Variants in DPF2 observed in about 807,000 individuals in gnomAD.
DPF2 encodes double PHD fingers 2.
Under a neutral mutation model 59.6 loss-of-function variants are expected in DPF2, and 10 were observed. The observed-to-expected ratio is 0.17, with a 90% CI of 0.10 to 0.28. DPF2 has a LOEUF of 0.28. DPF2 is among the 10% of genes least tolerant of loss of function. The pLI is 1.00. For missense variants in DPF2, 315 were observed against 509.4 expected (o/e 0.62, Z 3.67); for synonymous variants, 189 against 190.6 (o/e 0.99, Z 0.07).
chr11:65,346,090 C>A, intron 8 of DPF2, 32 bp downstream of exon 8: 1 of 1,613,288 alleles, frequency 6.2e-7, no homozygotes, highest in Non-Finnish European at 8.5e-7. Flanking sequence ...GCTGCTTTGC[C>A]CAGTCCCCAA....
Position 65,345,810 on chromosome 11 carries a change from T to C in DPF2, c.775+7T>C. ...AGGTCTGAGGAGCAGAAATGTAAGC[T>C]GAGGTGTCAGAAGTGGTGGGCAAGC... On this transcript the variant is annotated splice_region_variant and intron_variant, in intron 7 of 10. Coordinates refer to ENST00000528416, the MANE Select transcript of DPF2 (RefSeq NM_006268.5). 1.2e-6 allele frequency: 2 copies of C among 1,613,944 alleles called. No individual in the cohort carries two copies. Among genetic ancestry groups the C allele is most frequent in the Non-Finnish European group, 8.5e-7 (1 of 1,179,978 alleles).
At chr11:65,338,052 C>T (rs1252390068) in intron 1 of DPF2, among the ~76,000 whole-genome samples, 1 of 152,172 alleles carries the variant, frequency 6.6e-6, no homozygotes, top group Non-Finnish European at 1.5e-5. Flanking sequence ...CCGTCCACCT[C>T]AGTCTCCCAA....
chr11:65,337,789 G>GT (rs1854246837), intron 1 of DPF2, among the ~76,000 whole-genome samples: 1 of 149,620 alleles, frequency 6.7e-6, no homozygotes, highest in Non-Finnish European at 1.5e-5. Context: ...TTTTTTGTTT[G>GT]TTTGTTTTGT....
intron 4 of DPF2, chr11:65,343,412 C>T (rs1854437300): frequency 1.3e-5 from 4 of 312,544 alleles, no homozygotes; most frequent in Admixed American, 8.9e-5. Flanking sequence ...AATGTGCTCC[C>T]AGGGTGGCCA....
At chr11:65,345,856 A>T in intron 7 of DPF2, 53 bp downstream of exon 7, 1 of 1,613,388 alleles carries the variant, frequency 6.2e-7, no homozygotes, top group Non-Finnish European at 8.5e-7. Flanking sequence ...CTGGTTATGA[A>T]AACCACTCCT....
intron 1 of DPF2, among the ~76,000 whole-genome samples, chr11:65,336,164 G>T (rs1045895745): frequency 6.6e-6 from 1 of 151,810 alleles, no homozygotes; most frequent in African/African-American, 2.4e-5. Context: ...TTTCTTATTT[G>T]TAAATTTCTA....
intron 6 of DPF2, chr11:65,344,466 G>T (rs1854470594): frequency 9.9e-7 from 1 of 1,007,618 alleles, no homozygotes; most frequent in Non-Finnish European, 1.5e-6. Context: ...TCCACCCTGG[G>T]AGCACCATCG....
intron 10 of DPF2, among the ~76,000 whole-genome samples, chr11:65,351,206 T>A (rs1854687713): frequency 1.3e-5 from 2 of 152,330 alleles, no homozygotes; most frequent in South Asian, 4.1e-4. Flanking sequence ...GCTTATCATT[T>A]CAAGGCATTA....
intron 6 of DPF2, chr11:65,344,636 T>G (rs1316347428): frequency 6.5e-7 from 1 of 1,535,574 alleles, no homozygotes. Context: ...CTCTCTCAAC[T>G]TTTCAGACTT....
chr11:65,337,452 C>CAAAAAAAAAAA lies in DPF2; in HGVS notation c.33-2920_33-2910dup, dbSNP rs750931920. Among the ~76,000 whole-genome samples, 2 of 13,534 alleles carry CAAAAAAAAAAA rather than the reference C, an allele frequency of 1.5e-4. 1 individual carries two copies. Among genetic ancestry groups the CAAAAAAAAAAA allele is most frequent in the African/African-American group, 5.8e-4 (2 of 3,456 alleles). The allele number at this position is 13,534 out of a possible 152,430, so 8.9% of individuals were successfully genotyped here. On this transcript the variant is annotated intron_variant, in intron 1 of 10. Transcript: ENST00000528416. Reference sequence around the variant, plus strand: ...TGGGCGGCAAAGCAAGACTCTATCTCAAAAAAAAAAAAAAAAAAAAAAATA... The same window carrying CAAAAAAAAAAA: ...TGGGCGGCAAAGCAAGACTCTATCTCAAAAAAAAAAAAAAAAAAAAAAAAAAAAAAAAAATA...
At chr11:65,350,374 C>CTT (rs529951680) in intron 10 of DPF2, among the ~76,000 whole-genome samples, 108 of 128,758 alleles carry the variant, frequency 8.4e-4, no homozygotes, top group Admixed American at 1.4e-3. Flanking sequence ...TTCTTTCTTT[C>CTT]TTTTTTTTTT....
intron 6 of DPF2, chr11:65,344,541 C>A: frequency 6.5e-7 from 1 of 1,533,606 alleles, no homozygotes; most frequent in Non-Finnish European, 8.7e-7. Context: ...TCAAGTGTAT[C>A]AAGGCCTTCT....
chr11:65,342,677 G>A lies in DPF2; in HGVS notation c.466-1068G>A, dbSNP rs73482257. On this transcript the variant is annotated intron_variant, in intron 4 of 10. Coordinates refer to ENST00000528416, the MANE Select transcript of DPF2 (RefSeq NM_006268.5). ...TGTACAACCTTATGGGGTAGGTCCTGTGTTCCCCATTTCACACAGAGGCTG... is the reference window on the plus strand; with the variant it reads ...TGTACAACCTTATGGGGTAGGTCCTATGTTCCCCATTTCACACAGAGGCTG... Among the ~76,000 whole-genome samples, 1,074 of 152,242 alleles carry A rather than the reference G, an allele frequency of 7.1e-3. 12 individuals are homozygous for A. The highest frequency in any genetic ancestry group is 0.025 in the African/African-American group (1,030 of 41,542).
chr11:65,338,546 T>G (rs929324806), intron 1 of DPF2, among the ~76,000 whole-genome samples: 3 of 152,188 alleles, frequency 2.0e-5, no homozygotes, highest in Non-Finnish European at 2.9e-5. Flanking sequence ...CAACCTTGTT[T>G]ATCCAATTTT....
chr11:65,334,104 G>T (rs1159879526), intron 1 of DPF2, among the ~76,000 whole-genome samples, 186 bp downstream of exon 1: 2 of 152,244 alleles, frequency 1.3e-5, no homozygotes, highest in Non-Finnish European at 2.9e-5. Context: ...AACTTGTGGA[G>T]GCCCTGGTGG....
At position 65,345,728 on chromosome 11, in the gene DPF2, G is replaced by T. The variant is rs1352496165; in HGVS notation, c.700G>T (p.Ala234Ser). Residue 234 changes from alanine (A) to serine (S), a missense_variant, in exon 7 of 11, where the codon GCT becomes TCT. Physicochemically the swap from Ala to Ser is moderately conservative, Grantham distance 99. This residue lies in a region of DPF2 where 58 missense variants were observed against 84.6 expected (regional missense o/e 0.69). Coordinates refer to ENST00000528416, the MANE Select transcript of DPF2 (RefSeq NM_006268.5). Reference protein sequence around the residue: ...LSYHYAHSHLAEEEGEDKEDS... With the variant: ...LSYHYAHSHLSEEEGEDKEDS... ...TTACCACTATGCCCACTCCCACTTG[G>T]CTGAGGAGGAGGGCGAGGACAAGGA... 10 of 1,613,996 alleles carry T rather than the reference G, an allele frequency of 6.2e-6. No homozygotes were observed. Among genetic ancestry groups the T allele is most frequent in the Non-Finnish European group, 8.5e-6 (10 of 1,180,032 alleles).
Position 65,353,783 on chromosome 11 carries a change from C to T in DPF2, c.*2024C>T, listed in dbSNP as rs904850639. ...CTAGGCCGGCCTGCACTGTTATGTT[C>T]AATAAATAAGCAGGGTGCTCTGGGC... On this transcript the variant is annotated 3_prime_UTR_variant, in exon 11 of 11. Coordinates refer to ENST00000528416, the MANE Select transcript of DPF2 (RefSeq NM_006268.5). Among the ~76,000 whole-genome samples the T allele has an allele frequency of 6.6e-6, 1 of 152,154 alleles. No homozygotes were observed. The highest frequency in any genetic ancestry group is 6.5e-5 in the Admixed American group (1 of 15,268).
chr11:65,335,232 C>T (rs767152414), intron 1 of DPF2, among the ~76,000 whole-genome samples: 3 of 152,166 alleles, frequency 2.0e-5, no homozygotes, highest in Non-Finnish European at 4.4e-5. Context: ...AGAAATGACA[C>T]TGTTGATCTA....
Position 65,351,870 on chromosome 11 carries a change from C to T in DPF2, c.*111C>T. ...CCTCTCCTTCACAAATCCAGAGAACCTTGGGGTGGTTGTGCCAGCCTGCCT... is the reference window on the plus strand; with the variant it reads ...CCTCTCCTTCACAAATCCAGAGAACTTTGGGGTGGTTGTGCCAGCCTGCCT... On this transcript the variant is annotated 3_prime_UTR_variant, in exon 11 of 11. Coordinates refer to ENST00000528416, the MANE Select transcript of DPF2 (RefSeq NM_006268.5). The T allele has an allele frequency of 7.7e-7, 1 of 1,295,562 alleles. No homozygotes were observed. The highest frequency in any genetic ancestry group is 1.1e-6 in the Non-Finnish European group (1 of 926,108). 80.3% of individuals were successfully genotyped at this position (1,295,562 alleles called of 1,614,324 possible). A position where few individuals can be genotyped will look rare whatever the true frequency, so the allele number is the denominator to read the frequency against.
Sources: allele counts gnomAD v4.1 joint callset (sites outside exome capture counted in the v4.1 genomes callset), GRCh38; gene constraint gnomAD v4.1.1; regional missense constraint gnomAD v4.1.1; transcripts MANE v1.5; gene names NCBI Gene and HGNC (gene_info 2026-07-23, HGNC 2026-07-21).